Variants in TOP2B observed in about 807,000 individuals in gnomAD.
The protein encoded by TOP2B is DNA topoisomerase II beta.
A neutral mutation model predicts 193.5 loss-of-function variants in TOP2B; 51 were observed. The observed-to-expected ratio is 0.26, with a 90% CI of 0.21 to 0.33. The LOEUF is 0.33. Ranked by LOEUF, TOP2B falls within the 10% of genes least tolerant of loss-of-function variation. The pLI is 1.00. For synonymous variants in TOP2B, 634 were observed against 635.7 expected, an observed-to-expected ratio of 1.00 and a Z score of 0.04; for missense variants, 1,378 against 1,909.3, an observed-to-expected ratio of 0.72 and a Z score of 5.19.
intron 1 of TOP2B, among the ~76,000 whole-genome samples, chr3:25,647,516 C>T (rs767394588): frequency 2.0e-5 from 3 of 152,020 alleles, no homozygotes; most frequent in Admixed American, 6.5e-5. Context: ...CTAAAACCAA[C>T]CCCATCACAA....
chr3:25,609,691 C>T lies in TOP2B; in HGVS notation c.3808G>A (p.Val1270Ile), dbSNP rs374639096. ...AATTCTTCATCAAATTCCACTTTTACTGCTGCAGTATCAAGATCACCCTAC... is the reference window on the plus strand; with the variant it reads ...AATTCTTCATCAAATTCCACTTTTATTGCTGCAGTATCAAGATCACCCTAC... Reference protein sequence around the residue: ...KKKGDLDTAAVKVEFDEEFSG... With the variant: ...KKKGDLDTAAIKVEFDEEFSG... The change falls in exon 29 of 36, where the codon GTA (valine) becomes ATA (isoleucine). Residue 1270 changes from valine to isoleucine, a missense_variant. Coordinates refer to ENST00000264331, the MANE Select transcript of TOP2B (RefSeq NM_001330700.2). 2 of 1,509,120 alleles carry T rather than the reference C, an allele frequency of 1.3e-6. No homozygotes were observed. Among genetic ancestry groups the T allele is most frequent in the Non-Finnish European group, 1.8e-6 (2 of 1,134,952 alleles). 93.5% of individuals were successfully genotyped at this position (1,509,120 alleles called of 1,614,324 possible).
intron 1 of TOP2B, among the ~76,000 whole-genome samples, chr3:25,646,860 T>G (rs1703428760): frequency 6.6e-6 from 1 of 152,340 alleles, no homozygotes; most frequent in East Asian, 1.9e-4. Context: ...ACTCAAACGT[T>G]AATTATAATT....
intron 1 of TOP2B, among the ~76,000 whole-genome samples, chr3:25,663,078 A>T (rs1283304677): frequency 1.3e-5 from 2 of 152,198 alleles, no homozygotes; most frequent in African/African-American, 4.8e-5. Flanking sequence ...CATTCAAAGA[A>T]TTTCAACAAT....
intron 1 of TOP2B, among the ~76,000 whole-genome samples, chr3:25,649,712 G>A (rs1302291316): frequency 6.6e-6 from 1 of 151,686 alleles, no homozygotes; most frequent in African/African-American, 2.4e-5. Flanking sequence ...CAAACACTGG[G>A]ACAGTTCATC....
intron 34 of TOP2B, among the ~76,000 whole-genome samples, chr3:25,600,627 A>C (rs7622457): frequency 6.6e-6 from 1 of 152,200 alleles, no homozygotes; most frequent in Non-Finnish European, 1.5e-5. Flanking sequence ...AAACATCTTC[A>C]AGGGCTTTCC....
At chr3:25,638,525 G>A (rs1323431036) in intron 4 of TOP2B, among the ~76,000 whole-genome samples, 3 of 151,728 alleles carry the variant, frequency 2.0e-5, no homozygotes, top group Non-Finnish European at 4.4e-5. Flanking sequence ...GTAACTAATA[G>A]AGAAGGATTA....
chr3:25,661,574 T>C lies in TOP2B; in HGVS notation c.69+2655A>G, dbSNP rs866805466. On this transcript the variant is annotated intron_variant, in intron 1 of 35. Transcript: ENST00000264331. ...TACAAAGAATTAATTCAAGAAACCC[T>C]GCTGCCTTAAGAGAAGCCTTTGTAA... Among the ~76,000 whole-genome samples the C allele has an allele frequency of 2.6e-5, 4 of 152,340 alleles. No homozygotes were observed. The Middle Eastern group carries it at 0.01, about 389-fold the overall frequency.
Position 25,645,438 on chromosome 3 carries a change from T to A in TOP2B, c.102A>T (p.Lys34Asn), listed in dbSNP as rs772611515. 3 of 1,612,876 alleles carry A rather than the reference T, an allele frequency of 1.9e-6. No individual in the cohort carries two copies. The highest frequency in any genetic ancestry group is 3.3e-5 in the Admixed American group (2 of 59,846). The change falls in exon 2 of 36, where the codon AAA becomes AAT. Residue 34 changes from lysine to asparagine, a missense_variant. Physicochemically the swap from Lys to Asn is moderately conservative, Grantham distance 94. Coordinates refer to ENST00000264331, the MANE Select transcript of TOP2B (RefSeq NM_001330700.2). ...TTTTGTTGGCAGTTTCTGACTCTTC[T>A]TTTTTTGCAGCATTGTTCTGATCAA... ...TLFDQNNAAK[K>N]EESETANKND... is the part of the protein sequence containing the mutation.
chr3:25,658,711 T>TA (rs746090329), intron 1 of TOP2B, among the ~76,000 whole-genome samples: 5 of 152,090 alleles, frequency 3.3e-5, no homozygotes, highest in Non-Finnish European at 7.4e-5. Flanking sequence ...TAATGCCTAA[T>TA]AAAAAAACAG....
intron 1 of TOP2B, among the ~76,000 whole-genome samples, chr3:25,648,217 G>C (rs1055944183): frequency 1.3e-5 from 2 of 152,212 alleles, no homozygotes; most frequent in Non-Finnish European, 2.9e-5. Flanking sequence ...TTTAGCATCA[G>C]ACCCTGCAGT....
intron 30 of TOP2B, among the ~76,000 whole-genome samples, chr3:25,608,839 T>C (rs1392285366): frequency 6.6e-6 from 1 of 152,030 alleles, no homozygotes; most frequent in Non-Finnish European, 1.5e-5. Context: ...ATATAAGGGG[T>C]AGAAAACCAA....
intron 29 of TOP2B, 106 bp from the exon 30 acceptor site, chr3:25,609,450 T>C: frequency 6.8e-7 from 1 of 1,462,716 alleles, no homozygotes; most frequent in South Asian, 1.4e-5. Flanking sequence ...TAAACGTTTA[T>C]GAAAATTGAA....
At chr3:25,627,136 A>G in intron 16 of TOP2B, 51 bp downstream of exon 16, 1 of 1,279,402 alleles carries the variant, frequency 7.8e-7, no homozygotes, top group Non-Finnish European at 1.1e-6. Context: ...GGAAAGGAAT[A>G]GAAGGTAGGG....
At chr3:25,618,241 G>A in intron 25 of TOP2B, 177 bp downstream of exon 25, 3 of 579,444 alleles carry the variant, frequency 5.2e-6, no homozygotes, top group East Asian at 5.6e-5. Flanking sequence ...TGGTGGGTGT[G>A]TACTATAAAT....
At chr3:25,619,616 A>C (rs1702604317) in intron 23 of TOP2B, among the ~76,000 whole-genome samples, 1 of 152,082 alleles carries the variant, frequency 6.6e-6, no homozygotes, top group South Asian at 2.1e-4. Flanking sequence ...ATGTGTGTGA[A>C]GATGTGTGTA....
chr3:25,607,043 A>G (rs1702252542), intron 31 of TOP2B, 128 bp downstream of exon 31: 2 of 1,337,888 alleles, frequency 1.5e-6, no homozygotes, highest in Non-Finnish European at 2.0e-6. Context: ...AATATTAACA[A>G]GATTGATTCC....
chr3:25,604,663 T>C (rs1702190365), intron 33 of TOP2B, 97 bp downstream of exon 33: 2 of 1,020,512 alleles, frequency 2.0e-6, no homozygotes, highest in Non-Finnish European at 2.9e-6. Context: ...AATTGTTTTA[T>C]GATAAAAAAA....
chr3:25,620,112 TCTCATACTA>T, intron 22 of TOP2B, 50 bp from the exon 23 acceptor site: 1 of 1,185,856 alleles, frequency 8.4e-7, no homozygotes, highest in Non-Finnish European at 1.2e-6. Context: ...ACTCTCATGT[TCTCATACTA>T]CAAGTCATAC....
At chr3:25,607,850 T>C (rs1702272264) in intron 30 of TOP2B, among the ~76,000 whole-genome samples, 2 of 152,230 alleles carry the variant, frequency 1.3e-5, no homozygotes, top group African/African-American at 2.4e-5. Flanking sequence ...GGTATGATCA[T>C]AGCTCACTGC....
Sources: allele counts gnomAD v4.1 joint callset (sites outside exome capture counted in the v4.1 genomes callset), GRCh38; gene constraint gnomAD v4.1.1; transcripts MANE v1.5; gene names NCBI Gene and HGNC (gene_info 2026-07-23, HGNC 2026-07-21).